The following ACTL6B variants were observed in gnomAD, a reference collection of about 807,000 sequenced individuals.
The protein encoded by ACTL6B is actin like 6B, also known as actin-like protein 6B.
In ACTL6B, 48 loss-of-function variants were observed where a neutral mutation model predicts 63.3. The ratio of observed to expected loss-of-function variants is 0.76; its 90% CI spans 0.60 to 0.96. The LOEUF (loss-of-function observed/expected upper bound fraction) is 0.96, where lower values mean the gene tolerates loss of function less well. Ranked by LOEUF, ACTL6B falls within the 50% of genes least tolerant of loss-of-function variation. The pLI, the probability that ACTL6B is intolerant of heterozygous loss-of-function variation, is 0.00. For synonymous variants in ACTL6B, 230 were observed against 223.8 expected (o/e 1.03, Z -0.25); for missense variants, 350 against 572.2 (o/e 0.61, Z 3.96).
intron 4 of ACTL6B, 147 bp downstream of exon 4, chr7:100,654,872 A>T (rs1804008047): frequency 3.0e-6 from 2 of 662,792 alleles, no homozygotes. Flanking sequence ...AGAAGGAAGG[A>T]AATTGTTTGG....
In ACTL6B at chr7:100,647,942, GCTGTTGGTCACACA is replaced by G. The variant is rs1803854877; in HGVS notation, c.670-423_670-410del. ...GAGGCCCAGGGAGCTTTGATATCAT[GCTGTTGGTCACACA>G]GCTCTTTTTTTTTTTTTTTTTCAGA... On this transcript the variant is annotated intron_variant, in intron 7 of 13. Transcript: ENST00000160382. The surrounding 1 kb of genome is among the most constrained non-coding windows in gnomAD (Gnocchi z 4.4). Among the ~76,000 whole-genome samples, 1 of 150,952 alleles carries G rather than the reference GCTGTTGGTCACACA, an allele frequency of 6.6e-6. No homozygotes were observed. The highest frequency in any genetic ancestry group is 2.4e-5 in the African/African-American group (1 of 41,094).
intron 4 of ACTL6B, among the ~76,000 whole-genome samples, chr7:100,650,437 ACT>A (rs1374120234): frequency 1.3e-5 from 2 of 151,504 alleles, no homozygotes; most frequent in African/African-American, 4.8e-5. Flanking sequence ...ATGCAAACAC[ACT>A]CACAAACACA....
At chr7:100,656,206 C>A in intron 1 of ACTL6B, 124 bp downstream of exon 1, 2 of 1,190,692 alleles carry the variant, frequency 1.7e-6, no homozygotes, top group African/African-American at 1.6e-5. Context: ...GGCGGGAGAC[C>A]CGAGCCTGAG....
chr7:100,655,702 C>T lies in ACTL6B; in HGVS notation c.102+101G>A. 1 of 1,511,800 alleles carries T rather than the reference C, an allele frequency of 6.6e-7. No individual in the cohort carries two copies. Among genetic ancestry groups the T allele is most frequent in the Non-Finnish European group, 8.9e-7 (1 of 1,124,316 alleles). 93.6% of individuals were successfully genotyped at this position (1,511,800 alleles called of 1,614,324 possible). A position where few individuals can be genotyped will look rare whatever the true frequency, so the allele number is the denominator to read the frequency against. The stretch of plus-strand genomic sequence containing the variant: ...CTGGGTTTATTCCCATATTCCCGCT[C>T]AGCAGAGCTTCTGGGCGATCTGGGA... On this transcript the variant is annotated intron_variant, in intron 2 of 13. Coordinates refer to ENST00000160382, the MANE Select transcript of ACTL6B (RefSeq NM_016188.5). This position sits in a 1 kb window ranked among gnomAD's most constrained non-coding sequence, Gnocchi z 4.4.
In ACTL6B at chr7:100,643,309, C is replaced by T. The variant is rs1175795353; in HGVS notation, c.1218G>A (p.Met406Ile). ...ILASLGTFQQ[M>I]WISKQEYEEG... ...CCTCATATTCCTGCTTGGAGATCCA[C>T]ATCTGCTGGAAAGTGCCCTGGGTGG... is the stretch of plus-strand genomic sequence containing the variant. Residue 406 changes from methionine (M) to isoleucine (I), a missense_variant, in exon 14 of 14, where the codon ATG (methionine) becomes ATA (isoleucine). Physicochemically the swap from Met to Ile is conservative, Grantham distance 10. Around this residue, in one of 3 missense-constraint regions of ACTL6B, gnomAD observed 76 missense variants for 126.1 expected, o/e 0.60. Transcript: ENST00000160382. 2 of 1,613,864 alleles carry T rather than the reference C, an allele frequency of 1.2e-6. No homozygotes were observed. Among genetic ancestry groups the T allele is most frequent in the Admixed American group, 3.3e-5 (2 of 59,992 alleles).
chr7:100,648,399 A>G lies in ACTL6B; in HGVS notation c.669+157T>C, dbSNP rs1803867355. 3.1e-6 allele frequency: 2 copies of G among 646,250 alleles called. No individual in the cohort carries two copies. The highest frequency in any genetic ancestry group is 2.1e-5 in the South Asian group (1 of 46,796). 40.0% of individuals were successfully genotyped at this position (646,250 alleles called of 1,614,324 possible). On this transcript the variant is annotated intron_variant, in intron 7 of 13. Transcript: ENST00000160382. This position sits in a 1 kb window ranked among gnomAD's most constrained non-coding sequence, Gnocchi z 4.4. ...TCAGCATATCCCTCAGCCTGTCTGG[A>G]TTTCGGATGCCTCGATTATAAAAGG...
Position 100,645,726 on chromosome 7 carries a change from G to A in ACTL6B, c.1200+523C>T, listed in dbSNP as rs750138421. Among the ~76,000 whole-genome samples the A allele has an allele frequency of 2.0e-5, 3 of 151,818 alleles. No homozygotes were observed. The East Asian group carries it at 5.8e-4, about 29-fold the overall frequency. Reference sequence around the variant, plus strand: ...AGCTCACTGCAGTCTCCGTCTCCTGGGTTCAAGAGATTCTCCTGCCTCAGC... The same window carrying A: ...AGCTCACTGCAGTCTCCGTCTCCTGAGTTCAAGAGATTCTCCTGCCTCAGC... On this transcript the variant is annotated intron_variant, in intron 13 of 13. Coordinates refer to ENST00000160382, the MANE Select transcript of ACTL6B (RefSeq NM_016188.5).
At position 100,648,415 on chromosome 7, in the gene ACTL6B, T is replaced by G; in HGVS notation, c.669+141A>C. ...CCTGTCTGGATTTCGGATGCCTCGA[T>G]TATAAAAGGAGGAACTGGAGCCAGG... On this transcript the variant is annotated intron_variant, in intron 7 of 13. Transcript: ENST00000160382. The surrounding 1 kb of genome is among the most constrained non-coding windows in gnomAD (Gnocchi z 4.4). 1.4e-6 allele frequency: 1 copy of G among 702,930 alleles called. No homozygotes were observed. The highest frequency in any genetic ancestry group is 2.3e-6 in the Non-Finnish European group (1 of 440,632). 43.5% of individuals were successfully genotyped at this position (702,930 alleles called of 1,614,324 possible).
chr7:100,656,031 G>A, intron 1 of ACTL6B, 152 bp from the exon 2 acceptor site: 1 of 846,232 alleles, frequency 1.2e-6, no homozygotes. Flanking sequence ...GAGGTCCTGG[G>A]ACTGGGGGTG....
At position 100,646,172 on chromosome 7, in the gene ACTL6B, C is replaced by G. The variant is rs1803817541; in HGVS notation, c.1200+77G>C. The G allele has an allele frequency of 4.2e-6, 5 of 1,186,652 alleles. No individual in the cohort carries two copies. The South Asian group carries it at 6.3e-5, about 15-fold the overall frequency. 73.5% of individuals were successfully genotyped at this position (1,186,652 alleles called of 1,614,324 possible). ...TTGAATGAATGAATGAACGAAGAGG[C>G]AGTCAAAGTGGCGGGCACTGTCTGG... is the stretch of plus-strand genomic sequence containing the variant. On this transcript the variant is annotated intron_variant, in intron 13 of 13. Transcript: ENST00000160382. The surrounding 1 kb of genome is among the most constrained non-coding windows in gnomAD (Gnocchi z 6.1).
At chr7:100,645,370 C>G (rs529558641) in intron 13 of ACTL6B, among the ~76,000 whole-genome samples, 2 of 152,116 alleles carry the variant, frequency 1.3e-5, no homozygotes, top group African/African-American at 4.8e-5. Flanking sequence ...TTACTAGTTG[C>G]CCCTTGCTGT....
At chr7:100,645,607 AT>A (rs1803805751) in intron 13 of ACTL6B, among the ~76,000 whole-genome samples, 1 of 149,918 alleles carries the variant, frequency 6.7e-6, no homozygotes, top group South Asian at 2.1e-4. Context: ...ATCCTGACCA[AT>A]CTCTCCAACT....
Position 100,643,310 on chromosome 7 carries a change from A to T in ACTL6B, c.1217T>A (p.Met406Lys). 1 of 1,613,680 alleles carries T rather than the reference A, an allele frequency of 6.2e-7. No individual in the cohort carries two copies. Among genetic ancestry groups the T allele is most frequent in the Non-Finnish European group, 8.5e-7 (1 of 1,179,942 alleles). The change falls in exon 14 of 14, where the codon ATG (methionine) becomes AAG (lysine). Residue 406 changes from methionine (M) to lysine (K), a missense_variant. By Grantham distance (95) the Met-to-Lys change is moderately conservative. Transcript: ENST00000160382. ...ILASLGTFQQ[M>K]WISKQEYEEG... ...CTCATATTCCTGCTTGGAGATCCAC[A>T]TCTGCTGGAAAGTGCCCTGGGTGGA...
chr7:100,644,143 G>A (rs1402552416), intron 13 of ACTL6B, among the ~76,000 whole-genome samples: 1 of 151,986 alleles, frequency 6.6e-6, no homozygotes, highest in Non-Finnish European at 1.5e-5. Context: ...CAGATGATCC[G>A]CCCGCCTCGG....
Position 100,647,235 on chromosome 7 carries a change from G to A in ACTL6B, c.809C>T (p.Pro270Leu), listed in dbSNP as rs771906747. 3 of 1,613,298 alleles carry A rather than the reference G, an allele frequency of 1.9e-6. No homozygotes were observed. Among genetic ancestry groups the A allele is most frequent in the African/African-American group, 1.3e-5 (1 of 74,810 alleles). ...QASVLQVSDSPYDEQVAAQMP... is the reference protein window; with the variant it reads ...QASVLQVSDSLYDEQVAAQMP... ...GAGCCACACTCACTGTTCATCGTAGGGGGAGTCTGAGACCTGCAGCACGGA... is the reference window on the plus strand; with the variant it reads ...GAGCCACACTCACTGTTCATCGTAGAGGGAGTCTGAGACCTGCAGCACGGA... The change falls in exon 9 of 14, where the codon CCC (proline) becomes CTC (leucine). Residue 270 changes from proline (P) to leucine (L), a missense_variant. Coordinates refer to ENST00000160382, the MANE Select transcript of ACTL6B (RefSeq NM_016188.5). This position sits in a 1 kb window ranked among gnomAD's most constrained non-coding sequence, Gnocchi z 4.4.
Position 100,646,826 on chromosome 7 carries a change from C to T in ACTL6B, c.942G>A (p.Leu314=), listed in dbSNP as rs756305330. The T allele has an allele frequency of 6.2e-7, 1 of 1,612,230 alleles. No individual in the cohort carries two copies. Among genetic ancestry groups the T allele is most frequent in the South Asian group, 1.1e-5 (1 of 90,940 alleles). ...GLFDPSNVKG[L]SGNTMLGVGH... ...CCACACCCAACATGGTGTTCCCCGA[C>T]AGGCCCTGCAGAGAGAGGTGACTGG... Residue 314 remains leucine, a synonymous_variant, in exon 11 of 14, where the codon CTG becomes CTA. Transcript: ENST00000160382. This position sits in a 1 kb window ranked among gnomAD's most constrained non-coding sequence, Gnocchi z 6.1.
chr7:100,648,448 G>A lies in ACTL6B; in HGVS notation c.669+108C>T. On this transcript the variant is annotated intron_variant, in intron 7 of 13. Transcript: ENST00000160382. The surrounding 1 kb of genome is among the most constrained non-coding windows in gnomAD (Gnocchi z 4.4). ...GGAGGAACTGGAGCCAGGACCCACT[G>A]GGGAGCCTGCTGCTCTCTGCTCTGA... 1 of 981,028 alleles carries A rather than the reference G, an allele frequency of 1.0e-6. No individual in the cohort carries two copies. The highest frequency in any genetic ancestry group is 3.0e-5 in the Admixed American group (1 of 33,172). The allele number at this position is 981,028 out of a possible 1,614,324, so 60.8% of individuals were successfully genotyped here.
Position 100,648,919 on chromosome 7 carries a change from GC to G in ACTL6B, c.468-97del. Reference sequence around the variant, plus strand: ...TCACTCTCTGCTCTACCGGGGTCCAGCCCATCCCCAGTCTGCAAATCTCTCC... The same window carrying G: ...TCACTCTCTGCTCTACCGGGGTCCAGCCATCCCCAGTCTGCAAATCTCTCC... On this transcript the variant is annotated intron_variant, in intron 5 of 13. Coordinates refer to ENST00000160382, the MANE Select transcript of ACTL6B (RefSeq NM_016188.5). This position sits in a 1 kb window ranked among gnomAD's most constrained non-coding sequence, Gnocchi z 4.4. 1 of 1,225,816 alleles carries G rather than the reference GC, an allele frequency of 8.2e-7. No individual in the cohort carries two copies. The highest frequency in any genetic ancestry group is 1.1e-6 in the Non-Finnish European group (1 of 895,020). 75.9% of individuals were successfully genotyped at this position (1,225,816 alleles called of 1,614,324 possible).
chr7:100,651,835 T>G (rs1319130089), intron 4 of ACTL6B, among the ~76,000 whole-genome samples: 1 of 151,946 alleles, frequency 6.6e-6, no homozygotes, highest in Non-Finnish European at 1.5e-5. Context: ...CCCAAAGTGC[T>G]GGGATTACAG....
Sources: gnomAD v4.1 joint callset for allele counts (sites outside exome capture counted in the v4.1 genomes callset) on GRCh38, gnomAD v4.1.1 for gene constraint, gnomAD v4.1.1 regional missense constraint, Gnocchi (gnomAD v3.1) non-coding constraint, MANE v1.5 for transcripts, NCBI Gene and HGNC (gene_info 2026-07-23, HGNC 2026-07-21) for gene names.